Variants in SLC13A5 observed in about 807,000 individuals in gnomAD.
SLC13A5 encodes Na(+)/citrate cotransporter.
SLC13A5 carries 25 observed loss-of-function variants against 56.5 expected under a neutral mutation model. That is an observed-to-expected ratio of 0.44 (90% CI 0.32 to 0.62). The LOEUF (loss-of-function observed/expected upper bound fraction) is 0.62. SLC13A5 is among the 20% of genes least tolerant of loss of function. The probability of loss-of-function intolerance (pLI) is 0.04; values close to 1 mark genes in which losing one functional copy is unlikely to be tolerated. For missense variants in SLC13A5, 649 were observed against 737.8 expected (o/e 0.88, Z 1.39); for synonymous variants, 307 against 301.5 (o/e 1.02, Z -0.19).
rs1555541172 is a variant in SLC13A5 at position 6,692,231 on chromosome 17, A to AGATGGACAGATG, written c.1275+812_1275+813insCATCTGTCCATC. Among the ~76,000 whole-genome samples the AGATGGACAGATG allele has an allele frequency of 2.3e-4, 33 of 143,814 alleles. No homozygotes were observed. The highest frequency in any genetic ancestry group is 8.5e-4 in the African/African-American group (32 of 37,698). 94.3% of individuals were successfully genotyped at this position (143,814 alleles called of 152,430 possible). On this transcript the variant is annotated intron_variant, in intron 9 of 11. Transcript: ENST00000433363. The surrounding 1 kb of genome is among the most constrained non-coding windows in gnomAD (Gnocchi z 5.5). ...TAGATAGATGGGTGGATGGATGGAC[A>AGATGGACAGATG]GATGGATGGATGGATGGATGGATGG...
At chr17:6,689,485 G>A (rs972505279) in intron 10 of SLC13A5, 5 of 152,258 alleles carry the variant, frequency 3.3e-5, no homozygotes, top group African/African-American at 1.2e-4. Flanking sequence ...GAGCCCGTTA[G>A]GGCCTGCATT....
At chr17:6,702,865 C>T (rs1973749720) in intron 5 of SLC13A5, 105 bp downstream of exon 5, 1 of 1,444,780 alleles carries the variant, frequency 6.9e-7, no homozygotes, top group Non-Finnish European at 9.4e-7. Flanking sequence ...GTCTGGCTGC[C>T]CCGAGGCTTT....
intron 3 of SLC13A5, chr17:6,704,810 AGT>A (rs141755302): frequency 0.048 from 7,619 of 157,824 alleles, 601 homozygotes; most frequent in African/African-American, 0.17. Context: ...CCACGCTCTC[AGT>A]GTGTGCACCA....
rs777555159 is a variant in SLC13A5, at chr17:6,686,202, T to C, written c.*5A>G. 1.9e-6 allele frequency: 3 copies of C among 1,614,102 alleles called. No individual in the cohort carries two copies. The highest frequency in any genetic ancestry group is 2.2e-5 in the South Asian group (2 of 91,080). Reference sequence around the variant, plus strand: ...AGGGCTGTGTGTGTGGTCTTGTGGCTCTTCCTAAGTCTCAATATGTGTCAC... The same window carrying C: ...AGGGCTGTGTGTGTGGTCTTGTGGCCCTTCCTAAGTCTCAATATGTGTCAC... On this transcript the variant is annotated 3_prime_UTR_variant, in exon 12 of 12. Coordinates refer to ENST00000433363, the MANE Select transcript of SLC13A5 (RefSeq NM_177550.5).
chr17:6,703,175 T>C, intron 4 of SLC13A5, 37 bp from the exon 5 acceptor site: 1 of 1,610,990 alleles, frequency 6.2e-7, no homozygotes, highest in Non-Finnish European at 8.5e-7. Context: ...GAGCCAGTCA[T>C]GGGGGCTGCC....
chr17:6,700,606 C>T (rs986973161), intron 6 of SLC13A5, among the ~76,000 whole-genome samples: 5 of 152,102 alleles, frequency 3.3e-5, no homozygotes, highest in Admixed American at 6.6e-5. Flanking sequence ...GGGAGCTGTG[C>T]GGGGTGCCCA....
rs1973437934 is a variant in SLC13A5, at chr17:6,692,400, C to T, written c.1275+644G>A. Among the ~76,000 whole-genome samples, 1 of 152,162 alleles carries T rather than the reference C, an allele frequency of 6.6e-6. No homozygotes were observed. Among genetic ancestry groups the T allele is most frequent in the South Asian group, 2.1e-4 (1 of 4,824 alleles). ...AACTTAGCACCCACTAGGCACCAGG[C>T]TGTGTCCTAGATATTGAAGAAACAG... is the stretch of plus-strand genomic sequence containing the variant. On this transcript the variant is annotated intron_variant, in intron 9 of 11. Coordinates refer to ENST00000433363, the MANE Select transcript of SLC13A5 (RefSeq NM_177550.5). The surrounding 1 kb of genome is among the most constrained non-coding windows in gnomAD (Gnocchi z 5.5).
chr17:6,698,623 C>T (rs1375700126), intron 6 of SLC13A5, among the ~76,000 whole-genome samples: 1 of 152,256 alleles, frequency 6.6e-6, no homozygotes, highest in Non-Finnish European at 1.5e-5. Context: ...CCCCCTACTT[C>T]CCTGTTACAA....
chr17:6,707,608 T>C (rs112394090), intron 1 of SLC13A5, among the ~76,000 whole-genome samples: 5,541 of 152,196 alleles, frequency 0.036, 136 homozygotes, highest in Middle Eastern at 0.061. Context: ...ATAAAATACC[T>C]GGTTTTTTTG....
intron 6 of SLC13A5, among the ~76,000 whole-genome samples, chr17:6,700,136 A>C (rs1446823689): frequency 6.6e-6 from 1 of 152,018 alleles, no homozygotes; most frequent in East Asian, 1.9e-4. Context: ...AGTACTTTCT[A>C]TCCTGGTGTG....
chr17:6,684,898 C>T lies in SLC13A5; in HGVS notation c.*1309G>A, dbSNP rs1348800156. On this transcript the variant is annotated 3_prime_UTR_variant, in exon 12 of 12. Transcript: ENST00000433363. Reference sequence around the variant, plus strand: ...TCATCTCTTTGCTACTGCCTCTCTTCCAGAGCAGCACAAGAAGGAAATAAA... The same window carrying T: ...TCATCTCTTTGCTACTGCCTCTCTTTCAGAGCAGCACAAGAAGGAAATAAA... 6.6e-6 allele frequency: 1 copy of T among 152,218 alleles called. No individual in the cohort carries two copies. The highest frequency in any genetic ancestry group is 1.5e-5 in the Non-Finnish European group (1 of 68,048). The allele number at this position is 152,218 out of a possible 1,614,324, so 9.4% of individuals were successfully genotyped here.
chr17:6,685,865 C>T lies in SLC13A5; in HGVS notation c.*342G>A. 1 of 297,804 alleles carries T rather than the reference C, an allele frequency of 3.4e-6. No individual in the cohort carries two copies. Among genetic ancestry groups the T allele is most frequent in the Admixed American group, 4.2e-5 (1 of 24,018 alleles). 18.4% of individuals were successfully genotyped at this position (297,804 alleles called of 1,614,324 possible). A position where few individuals can be genotyped will look rare whatever the true frequency, so the allele number is the denominator to read the frequency against. Reference sequence around the variant, plus strand: ...GGACGAAGCGAGTGAAAACCAGAGCCCTGTGTGGGGGATGCTTGAGGCAGA... The same window carrying T: ...GGACGAAGCGAGTGAAAACCAGAGCTCTGTGTGGGGGATGCTTGAGGCAGA... On this transcript the variant is annotated 3_prime_UTR_variant, in exon 12 of 12. Transcript: ENST00000433363. The surrounding 1 kb of genome is among the most constrained non-coding windows in gnomAD (Gnocchi z 4.2).
At position 6,692,971 on chromosome 17, in the gene SLC13A5, A is replaced by G. The variant is rs904050457; in HGVS notation, c.1275+73T>C. ...GGCACAGAAACACACAAGCCCAGGG[A>G]TGGAAGGGTGGAGAAACGCCACCCT... is the stretch of plus-strand genomic sequence containing the variant. On this transcript the variant is annotated intron_variant, in intron 9 of 11. Transcript: ENST00000433363. The surrounding 1 kb of genome is among the most constrained non-coding windows in gnomAD (Gnocchi z 5.5). 1 of 1,112,262 alleles carries G rather than the reference A, an allele frequency of 9.0e-7. No individual in the cohort carries two copies. The highest frequency in any genetic ancestry group is 1.4e-6 in the Non-Finnish European group (1 of 722,396). 68.9% of individuals were successfully genotyped at this position (1,112,262 alleles called of 1,614,324 possible).
intron 6 of SLC13A5, among the ~76,000 whole-genome samples, chr17:6,699,113 A>C (rs1973643166): frequency 6.9e-6 from 1 of 145,416 alleles, no homozygotes; most frequent in Admixed American, 6.7e-5. Flanking sequence ...TAAAATAAAG[A>C]AAGGAAAAGA....
At position 6,685,868 on chromosome 17, in the gene SLC13A5, GT is replaced by G; in HGVS notation, c.*338del. On this transcript the variant is annotated 3_prime_UTR_variant, in exon 12 of 12. Transcript: ENST00000433363. The surrounding 1 kb of genome is among the most constrained non-coding windows in gnomAD (Gnocchi z 4.2). Reference sequence around the variant, plus strand: ...CGAAGCGAGTGAAAACCAGAGCCCTGTGTGGGGGATGCTTGAGGCAGAGCGG... The same window carrying G: ...CGAAGCGAGTGAAAACCAGAGCCCTGGTGGGGGATGCTTGAGGCAGAGCGG... 1 of 307,566 alleles carries G rather than the reference GT, an allele frequency of 3.3e-6. No individual in the cohort carries two copies. Among genetic ancestry groups the G allele is most frequent in the Admixed American group, 4.1e-5 (1 of 24,558 alleles). The allele number at this position is 307,566 out of a possible 1,614,324, so 19.1% of individuals were successfully genotyped here.
rs16956120 is a variant in SLC13A5, at chr17:6,686,176, A to T, written c.*31T>A. 8.7e-6 allele frequency: 14 copies of T among 1,613,608 alleles called. No homozygotes were observed. The highest frequency in any genetic ancestry group is 1.1e-5 in the Non-Finnish European group (13 of 1,179,728). ...AAGGTTCGGTAGTCCTGAGGAGGGTAAGGGCTGTGTGTGTGGTCTTGTGGC... is the reference window on the plus strand; with the variant it reads ...AAGGTTCGGTAGTCCTGAGGAGGGTTAGGGCTGTGTGTGTGGTCTTGTGGC... On this transcript the variant is annotated 3_prime_UTR_variant, in exon 12 of 12. Coordinates refer to ENST00000433363, the MANE Select transcript of SLC13A5 (RefSeq NM_177550.5).
chr17:6,697,450 C>T (rs1434043816), intron 6 of SLC13A5, among the ~76,000 whole-genome samples: 3 of 152,220 alleles, frequency 2.0e-5, no homozygotes, highest in Non-Finnish European at 4.4e-5. Flanking sequence ...TCGTGCTGAG[C>T]AGCTTTGCTC....
At chr17:6,690,060 G>GAAAAAAAAAAAAA (rs1973355375) in intron 10 of SLC13A5, 1 of 7,912 alleles carries the variant, frequency 1.3e-4, no homozygotes. Flanking sequence ...AGAAGGAAAT[G>GAAAAAAAAAAAAA]CAAAAAAAAA....
chr17:6,707,771 G>A (rs769718681), intron 1 of SLC13A5, among the ~76,000 whole-genome samples: 15 of 152,160 alleles, frequency 9.9e-5, no homozygotes, highest in African/African-American at 1.4e-4. Context: ...GAGGTATATA[G>A]CGTGGTCGAA....
Sources: gnomAD v4.1 joint callset for allele counts (sites outside exome capture counted in the v4.1 genomes callset) on GRCh38, gnomAD v4.1.1 for gene constraint, Gnocchi (gnomAD v3.1) non-coding constraint, MANE v1.5 for transcripts, NCBI Gene and HGNC (gene_info 2026-07-23, HGNC 2026-07-21) for gene names.